The following SYCP1 variants were observed in gnomAD, a reference collection of about 807,000 sequenced individuals.
SYCP1 encodes synaptonemal complex protein 1, also known as cancer/testis antigen 8.
Under a neutral mutation model 153.1 loss-of-function variants are expected in SYCP1, and 64 were observed. The observed-to-expected ratio is 0.42, with a 90% CI of 0.34 to 0.51. The LOEUF is 0.51. Ranked by LOEUF, SYCP1 falls within the 20% of genes least tolerant of loss-of-function variation. The pLI, the probability that SYCP1 is intolerant of heterozygous loss-of-function variation, is 0.06. For missense variants in SYCP1, 997 were observed against 1,049.0 expected, an observed-to-expected ratio of 0.95 and a Z score of 0.68; for synonymous variants, 384 against 341.8, an observed-to-expected ratio of 1.12 and a Z score of -1.36.
At chr1:114,932,965 G>C (rs1669740921) in intron 23 of SYCP1, among the ~76,000 whole-genome samples, 1 of 152,230 alleles carries the variant, frequency 6.6e-6, no homozygotes, top group African/African-American at 2.4e-5. Context: ...CTCCACCTCT[G>C]GGGGCAGGGC....
chr1:114,977,534 T>C, intron 27 of SYCP1, 23 bp from the exon 28 acceptor site: 4 of 1,316,944 alleles, frequency 3.0e-6, no homozygotes, highest in Non-Finnish European at 3.1e-6. Context: ...ATGTTACTTG[T>C]ACTTGATATT....
intron 27 of SYCP1, among the ~76,000 whole-genome samples, chr1:114,965,567 AG>A (rs1353225159): frequency 3.3e-4 from 50 of 152,218 alleles, no homozygotes; most frequent in Non-Finnish European, 5.6e-4. Flanking sequence ...TTTAGCATGA[AG>A]GGGTGTTGAA....
At chr1:114,913,276 A>G in intron 19 of SYCP1, 126 bp downstream of exon 19, 1 of 710,016 alleles carries the variant, frequency 1.4e-6, no homozygotes, top group Non-Finnish European at 2.3e-6. Context: ...TTGTTTTAGC[A>G]GAAAAATATG....
intron 23 of SYCP1, among the ~76,000 whole-genome samples, chr1:114,937,285 G>A (rs1276925208): frequency 6.6e-6 from 1 of 152,116 alleles, no homozygotes; most frequent in East Asian, 1.9e-4. Flanking sequence ...ACAAAAACAA[G>A]AAATGGGGAA....
intron 21 of SYCP1, among the ~76,000 whole-genome samples, chr1:114,924,095 G>A (rs542410699): frequency 2.0e-5 from 3 of 152,232 alleles, no homozygotes; most frequent in Admixed American, 6.5e-5. Context: ...TGGGTGTTAC[G>A]TTTGGATTTC....
At chr1:114,897,612 T>C (rs1032104051) in intron 16 of SYCP1, among the ~76,000 whole-genome samples, 1 of 152,068 alleles carries the variant, frequency 6.6e-6, no homozygotes, top group Non-Finnish European at 1.5e-5. Flanking sequence ...GAATCTCCCA[T>C]AGTACAGAGA....
At chr1:114,968,809 T>C (rs967655864) in intron 27 of SYCP1, among the ~76,000 whole-genome samples, 1 of 152,246 alleles carries the variant, frequency 6.6e-6, no homozygotes, top group African/African-American at 2.4e-5. Flanking sequence ...CTCATCTTCA[T>C]GGATTTATCT....
intron 23 of SYCP1, among the ~76,000 whole-genome samples, chr1:114,929,957 C>T (rs1163329161): frequency 6.6e-6 from 1 of 152,014 alleles, no homozygotes; most frequent in Non-Finnish European, 1.5e-5. Flanking sequence ...AACAAGTCTC[C>T]ATATATTTCA....
In SYCP1 at chr1:114,926,579, A is replaced by G. The variant is rs771685279; in HGVS notation, c.1926+16A>G. ...TGAGATAAAGGTATTTGGCATCTTT[A>G]TTTTTGTTTTTTAAATACTAATAGA... On this transcript the variant is annotated intron_variant, in intron 23 of 31. Coordinates refer to ENST00000369522, the MANE Select transcript of SYCP1 (RefSeq NM_003176.4). 6.3e-7 allele frequency: 1 copy of G among 1,579,410 alleles called. No individual in the cohort carries two copies. The highest frequency in any genetic ancestry group is 1.8e-5 in the Admixed American group (1 of 55,920).
chr1:114,969,861 T>A (rs1371826437), intron 27 of SYCP1, among the ~76,000 whole-genome samples: 2 of 152,176 alleles, frequency 1.3e-5, no homozygotes, highest in Non-Finnish European at 2.9e-5. Context: ...CCATCCCTCA[T>A]GGCACAGTTC....
chr1:114,876,993 C>T (rs1665588242), intron 11 of SYCP1, 183 bp downstream of exon 11: 1 of 274,132 alleles, frequency 3.6e-6, no homozygotes, highest in South Asian at 1.5e-4. Flanking sequence ...CAAATATGTA[C>T]TCACTCTAGC....
chr1:114,968,977 A>C (rs569039001), intron 27 of SYCP1, among the ~76,000 whole-genome samples: 2 of 152,326 alleles, frequency 1.3e-5, no homozygotes, highest in South Asian at 4.1e-4. Context: ...GGTGTACTCC[A>C]GACCCTGTTT....
intron 23 of SYCP1, among the ~76,000 whole-genome samples, chr1:114,931,986 T>C (rs1321454776): frequency 2.0e-5 from 3 of 151,918 alleles, no homozygotes; most frequent in Non-Finnish European, 4.4e-5. Context: ...AACAAATGAT[T>C]TGGAATAACC....
chr1:114,936,831 C>G (rs1670043135), intron 23 of SYCP1, among the ~76,000 whole-genome samples: 1 of 152,146 alleles, frequency 6.6e-6, no homozygotes, highest in Non-Finnish European at 1.5e-5. Context: ...AGGAATCCAA[C>G]TTACAAGGGA....
intron 23 of SYCP1, among the ~76,000 whole-genome samples, chr1:114,942,368 A>G (rs991849988): frequency 1.3e-5 from 2 of 151,966 alleles, no homozygotes; most frequent in African/African-American, 4.8e-5. Context: ...CTTTTCAAGA[A>G]CACTCGGACA....
chr1:114,979,543 T>C (rs1422988105), intron 28 of SYCP1, among the ~76,000 whole-genome samples: 1 of 151,754 alleles, frequency 6.6e-6, no homozygotes, highest in Non-Finnish European at 1.5e-5. Flanking sequence ...GAGGAACAAT[T>C]TGTCCATTAA....
chr1:114,863,749 G>T (rs360621), intron 8 of SYCP1, among the ~76,000 whole-genome samples: 152,227 of 152,268 alleles, frequency 1, 76,094 homozygotes, highest in Non-Finnish European at 1. Flanking sequence ...GAAGTGTCTG[G>T]TTATAGCCTT....
intron 17 of SYCP1, 137 bp from the exon 18 acceptor site, chr1:114,911,342 A>T: frequency 2.1e-6 from 1 of 465,286 alleles, no homozygotes; most frequent in Non-Finnish European, 3.9e-6. Context: ...TATTCACTTT[A>T]AATTTACTCG....
intron 20 of SYCP1, among the ~76,000 whole-genome samples, chr1:114,915,554 A>G (rs1481434464): frequency 1.3e-5 from 2 of 152,240 alleles, no homozygotes; most frequent in African/African-American, 2.4e-5. Flanking sequence ...TTAGAAGCCA[A>G]TTACAAAGGG....
Sources: gnomAD v4.1 joint callset for allele counts (sites outside exome capture counted in the v4.1 genomes callset) on GRCh38, gnomAD v4.1.1 for gene constraint, MANE v1.5 for transcripts, NCBI Gene and HGNC (gene_info 2026-07-23, HGNC 2026-07-21) for gene names.